The following THSD7A variants were observed in gnomAD, a reference collection of about 807,000 sequenced individuals.
The protein encoded by THSD7A is thrombospondin type-1 domain-containing protein 7A.
A neutral mutation model predicts 231.3 loss-of-function variants in THSD7A; 96 were observed. The ratio of observed to expected loss-of-function variants is 0.41; its 90% confidence interval spans 0.35 to 0.49. The LOEUF is 0.49. Ranked by LOEUF, THSD7A falls within the 20% of genes least tolerant of loss-of-function variation. The probability of loss-of-function intolerance (pLI) is 0.05; values close to 1 mark genes in which losing one functional copy is unlikely to be tolerated. For synonymous variants in THSD7A, 940 were observed against 743.3 expected, an observed-to-expected ratio of 1.26 and a Z score of -4.30; for missense variants, 2,290 against 2,070.2, an observed-to-expected ratio of 1.11 and a Z score of -2.06.
rs180784160 is a variant in THSD7A at position 11,724,230 on chromosome 7, G to C, written c.191-87269C>G. 3.3e-5 allele frequency among the ~76,000 whole-genome samples: 5 copies of C among 152,034 alleles called. No individual in the cohort carries two copies. In the East Asian group the frequency reaches 9.8e-4, roughly 30 times the overall value. The stretch of plus-strand genomic sequence containing the variant: ...TGCTACTTAATGAGATGTGACATGA[G>C]TCAGAAAGTTAGATTGAATATAGTT... On this transcript the variant is annotated intron_variant, in intron 1 of 27. Transcript: ENST00000423059.
At chr7:11,500,479 T>C (rs188605308) in intron 6 of THSD7A, among the ~76,000 whole-genome samples, 1 of 152,096 alleles carries the variant, frequency 6.6e-6, no homozygotes, top group Non-Finnish European at 1.5e-5. Context: ...TAACCTTGAA[T>C]GTAAATGGGC....
Position 11,372,573 on chromosome 7 carries a change from A to T in THSD7A, c.*3221T>A, listed in dbSNP as rs1782097151. ...AGCAAATCAGCCCCTTTCAAAAGAG[A>T]TCAGTTAGTCCTATTCTACGTGGTT... On this transcript the variant is annotated 3_prime_UTR_variant, in exon 28 of 28. Transcript: ENST00000423059. 6.6e-6 allele frequency: 1 copy of T among 152,082 alleles called. No individual in the cohort carries two copies. The allele number at this position is 152,082 out of a possible 1,614,324, so 9.4% of individuals were successfully genotyped here.
At chr7:11,738,092 A>G (rs1781976607) in intron 1 of THSD7A, among the ~76,000 whole-genome samples, 2 of 152,010 alleles carry the variant, frequency 1.3e-5, no homozygotes, top group African/African-American at 4.8e-5. Flanking sequence ...TTGGAATCTA[A>G]GTTTATTGAG....
At chr7:11,662,296 A>G (rs908742266) in intron 1 of THSD7A, among the ~76,000 whole-genome samples, 4 of 151,264 alleles carry the variant, frequency 2.6e-5, no homozygotes, top group African/African-American at 7.3e-5. Flanking sequence ...AAAGACAGAC[A>G]TTTAATACAG....
intron 4 of THSD7A, among the ~76,000 whole-genome samples, chr7:11,545,467 G>C (rs1789340680): frequency 6.6e-6 from 1 of 152,136 alleles, no homozygotes; most frequent in Non-Finnish European, 1.5e-5. Flanking sequence ...CTCCCACCAA[G>C]TGACCAGACC....
intron 6 of THSD7A, among the ~76,000 whole-genome samples, chr7:11,511,759 C>A (rs1787818985): frequency 6.6e-6 from 1 of 152,186 alleles, no homozygotes; most frequent in Admixed American, 6.5e-5. Context: ...GGATCCCTTC[C>A]TTAAACCTTA....
chr7:11,509,671 A>T (rs1430750056), intron 6 of THSD7A, among the ~76,000 whole-genome samples: 13 of 151,268 alleles, frequency 8.6e-5, no homozygotes, highest in Admixed American at 2.0e-4. Context: ...ATACAAAAAA[A>T]ATTAGCCGGG....
chr7:11,412,129 G>C (rs1023576172), intron 18 of THSD7A, among the ~76,000 whole-genome samples: 2 of 152,088 alleles, frequency 1.3e-5, no homozygotes, highest in South Asian at 4.2e-4. Context: ...TGAGTTTTAG[G>C]GGAAAAATGC....
intron 19 of THSD7A, 135 bp from the exon 20 acceptor site, chr7:11,407,558 A>G: frequency 1.5e-6 from 1 of 652,752 alleles, no homozygotes; most frequent in East Asian, 2.7e-5. Context: ...CTGGAGGACA[A>G]ACATCCAAAC....
chr7:11,579,651 C>T (rs973823842), intron 4 of THSD7A, among the ~76,000 whole-genome samples: 7 of 152,030 alleles, frequency 4.6e-5, no homozygotes, highest in African/African-American at 9.7e-5. Flanking sequence ...CCCTAATTTC[C>T]CAGCTTAAAT....
chr7:11,800,006 G>T (rs933292572), intron 1 of THSD7A, among the ~76,000 whole-genome samples: 1 of 152,126 alleles, frequency 6.6e-6, no homozygotes, highest in Non-Finnish European at 1.5e-5. Flanking sequence ...TTTGAGATAG[G>T]AAAACCCTTA....
chr7:11,771,962 G>A (rs959857694), intron 1 of THSD7A, among the ~76,000 whole-genome samples: 25 of 152,068 alleles, frequency 1.6e-4, no homozygotes, highest in African/African-American at 3.1e-4. Flanking sequence ...TTCACCTTCC[G>A]CCATGGTTGA....
chr7:11,651,602 A>G (rs997433359), intron 1 of THSD7A, among the ~76,000 whole-genome samples: 2 of 151,926 alleles, frequency 1.3e-5, no homozygotes, highest in Admixed American at 6.6e-5. Context: ...ACTTCTATAT[A>G]TAGCAACATT....
At chr7:11,551,536 A>G (rs1164230807) in intron 4 of THSD7A, among the ~76,000 whole-genome samples, 1 of 152,074 alleles carries the variant, frequency 6.6e-6, no homozygotes, top group Non-Finnish European at 1.5e-5. Flanking sequence ...GCAAACTATA[A>G]TACATGAATA....
intron 6 of THSD7A, among the ~76,000 whole-genome samples, chr7:11,524,175 C>T (rs566498401): frequency 4.6e-5 from 7 of 152,142 alleles, no homozygotes; most frequent in Admixed American, 2.0e-4. Context: ...ATGAATTGTA[C>T]CCTGGCTCTG....
chr7:11,776,110 C>G (rs1269107721), intron 1 of THSD7A, among the ~76,000 whole-genome samples: 1 of 152,030 alleles, frequency 6.6e-6, no homozygotes, highest in Non-Finnish European at 1.5e-5. Context: ...CCTGATTGGC[C>G]CAAGGGAGAT....
intron 4 of THSD7A, among the ~76,000 whole-genome samples, chr7:11,550,185 C>T (rs986729878): frequency 6.6e-6 from 1 of 151,968 alleles, no homozygotes; most frequent in African/African-American, 2.4e-5. Context: ...AATATCCATA[C>T]ACCAATAACA....
Position 11,637,425 on chromosome 7 carries a change from C to T in THSD7A, c.191-464G>A, listed in dbSNP as rs1584124029. ...AGTTAACTATTTTGTGGAACTTGCT[C>T]TCTTCTTCAACATATTTTATTTTCA... On this transcript the variant is annotated intron_variant, in intron 1 of 27. Transcript: ENST00000423059. This position sits in a 1 kb window ranked among gnomAD's most constrained non-coding sequence, Gnocchi z 4.2. 1.3e-5 allele frequency among the ~76,000 whole-genome samples: 2 copies of T among 152,162 alleles called. No homozygotes were observed. The highest frequency in any genetic ancestry group is 4.8e-5 in the African/African-American group (2 of 41,432).
At chr7:11,511,013 T>C (rs918590917) in intron 6 of THSD7A, among the ~76,000 whole-genome samples, 1 of 152,152 alleles carries the variant, frequency 6.6e-6, no homozygotes, top group Non-Finnish European at 1.5e-5. Context: ...GCAGATGACA[T>C]GATTGTATAT....
Sources: allele counts gnomAD v4.1 joint callset (sites outside exome capture counted in the v4.1 genomes callset), GRCh38; gene constraint gnomAD v4.1.1; non-coding constraint Gnocchi (gnomAD v3.1); transcripts MANE v1.5; gene names NCBI Gene and HGNC (gene_info 2026-07-23, HGNC 2026-07-21).